Variants in NEGR1 observed in about 807,000 individuals in gnomAD.
NEGR1 encodes IgLON family member 4.
NEGR1 carries 10 observed loss-of-function variants against 40.9 expected under a neutral mutation model. The ratio of observed to expected loss-of-function variants is 0.24; its 90% CI spans 0.15 to 0.42. The LOEUF (loss-of-function observed/expected upper bound fraction) is 0.42, where lower values mean the gene tolerates loss of function less well. NEGR1 is among the 10% of genes least tolerant of loss of function. The pLI, the probability that NEGR1 is intolerant of heterozygous loss-of-function variation, is 1.00. For synonymous variants in NEGR1, 185 were observed against 166.8 expected, an observed-to-expected ratio of 1.11 and a Z score of -0.84; for missense variants, 352 against 438.9, an observed-to-expected ratio of 0.80 and a Z score of 1.77.
chr1:71,787,598 G>A (rs1656958900), intron 2 of NEGR1, among the ~76,000 whole-genome samples: 1 of 151,990 alleles, frequency 6.6e-6, no homozygotes, highest in Admixed American at 6.6e-5. Context: ...CAAAATATCT[G>A]TGAAATTAGC....
At chr1:71,580,349 C>T (rs1459448686) in intron 6 of NEGR1, among the ~76,000 whole-genome samples, 1 of 151,492 alleles carries the variant, frequency 6.6e-6, no homozygotes, top group East Asian at 1.9e-4. Flanking sequence ...GGAGATATAC[C>T]TAATGCTAGA....
chr1:72,055,397 T>G (rs540406251), intron 1 of NEGR1, among the ~76,000 whole-genome samples: 1 of 151,246 alleles, frequency 6.6e-6, no homozygotes, highest in Admixed American at 6.6e-5. Flanking sequence ...TTAGTATCTA[T>G]CTGCACTGTG....
intron 6 of NEGR1, among the ~76,000 whole-genome samples, chr1:71,487,637 A>G (rs1193605926): frequency 6.6e-6 from 1 of 151,818 alleles, no homozygotes; most frequent in Non-Finnish European, 1.5e-5. Context: ...ATAATGTGCT[A>G]GCTGAAGAGT....
chr1:71,676,591 T>A (rs1652645044), intron 4 of NEGR1, among the ~76,000 whole-genome samples: 1 of 152,186 alleles, frequency 6.6e-6, no homozygotes, highest in African/African-American at 2.4e-5. Flanking sequence ...TTGGGTGTCT[T>A]GCTTGGTAAA....
chr1:71,482,869 G>A (rs1418731778), intron 6 of NEGR1, among the ~76,000 whole-genome samples: 1 of 151,846 alleles, frequency 6.6e-6, no homozygotes, highest in Non-Finnish European at 1.5e-5. Flanking sequence ...ACAAAGTCAT[G>A]GATGAAGCAC....
rs185559484 is a variant in NEGR1, at chr1:72,279,585, G to A, written c.176+2734C>T. ...ATGGGACAAGGGCATATGTTTGAAG[G>A]GTAGAATTTTGTTTTGTTTTCTAGT... On this transcript the variant is annotated intron_variant, in intron 1 of 6. Coordinates refer to ENST00000357731, the MANE Select transcript of NEGR1 (RefSeq NM_173808.3). 9.7e-4 allele frequency among the ~76,000 whole-genome samples: 147 copies of A among 152,164 alleles called. No homozygotes were observed. The Middle Eastern group carries it at 0.017, about 18-fold the overall frequency.
intron 6 of NEGR1, among the ~76,000 whole-genome samples, chr1:71,427,415 C>T (rs886343816): frequency 1.3e-5 from 2 of 152,284 alleles, no homozygotes; most frequent in East Asian, 1.9e-4. Context: ...TGCATCAGTA[C>T]ACTCCAATCT....
chr1:72,161,906 A>G (rs2100376566), intron 1 of NEGR1, among the ~76,000 whole-genome samples: 1 of 151,360 alleles, frequency 6.6e-6, no homozygotes, highest in Admixed American at 6.6e-5. Context: ...GGCCAAGCTG[A>G]TCTCTTAACA....
At chr1:71,761,486 A>AT (rs1448928788) in intron 3 of NEGR1, among the ~76,000 whole-genome samples, 1 of 152,168 alleles carries the variant, frequency 6.6e-6, no homozygotes, top group Non-Finnish European at 1.5e-5. Context: ...TTTGGAAACT[A>AT]TTTTGTATTC....
chr1:72,013,963 T>TAAA (rs1161156816), intron 1 of NEGR1, among the ~76,000 whole-genome samples: 32 of 88,496 alleles, frequency 3.6e-4, no homozygotes, highest in African/African-American at 1.2e-3. Flanking sequence ...CTGTGAAAAA[T>TAAA]AAAAAAAAAA....
chr1:71,899,345 CAA>C (rs1661084410), intron 2 of NEGR1, among the ~76,000 whole-genome samples: 1 of 151,734 alleles, frequency 6.6e-6, no homozygotes, highest in African/African-American at 2.4e-5. Context: ...GAGGATGATC[CAA>C]AAGACAGTGA....
At chr1:72,187,305 T>G (rs1028397070) in intron 1 of NEGR1, among the ~76,000 whole-genome samples, 1 of 151,546 alleles carries the variant, frequency 6.6e-6, no homozygotes, top group Admixed American at 6.6e-5. Context: ...CATTTCTGTT[T>G]AATTTGTATT....
intron 2 of NEGR1, among the ~76,000 whole-genome samples, chr1:71,806,924 A>C: frequency 2.4e-5 from 3 of 125,514 alleles, no homozygotes; most frequent in Admixed American, 2.1e-4. Context: ...ATGGAGTCTC[A>C]CTCTCTTGCC....
chr1:71,397,140 A>T lies in NEGR1; in HGVS notation c.*10306T>A, dbSNP rs1646217575. ...GATGGAAATGAATAACTTGTTGGGA[A>T]CTGGAGCAAAGGTGACTCTTGTTAT... is the stretch of plus-strand genomic sequence containing the variant. On this transcript the variant is annotated 3_prime_UTR_variant, in exon 7 of 7. Coordinates refer to ENST00000357731, the MANE Select transcript of NEGR1 (RefSeq NM_173808.3). 6.4e-6 allele frequency: 1 copy of T among 157,146 alleles called. No homozygotes were observed. The highest frequency in any genetic ancestry group is 1.4e-5 in the Non-Finnish European group (1 of 72,200). The allele number at this position is 157,146 out of a possible 1,614,324, so 9.7% of individuals were successfully genotyped here. A position where few individuals can be genotyped will look rare whatever the true frequency, so the allele number is the denominator to read the frequency against.
chr1:72,215,222 G>A (rs1570131434), intron 1 of NEGR1, among the ~76,000 whole-genome samples: 1 of 152,072 alleles, frequency 6.6e-6, no homozygotes, highest in Non-Finnish European at 1.5e-5. Flanking sequence ...ACTCAAGATG[G>A]ATTAGAGACT....
intron 2 of NEGR1, among the ~76,000 whole-genome samples, chr1:71,915,624 C>T (rs961377228): frequency 6.6e-6 from 1 of 152,060 alleles, no homozygotes; most frequent in Non-Finnish European, 1.5e-5. Context: ...GACTAAGGGT[C>T]TCAAACTTGG....
chr1:71,573,552 T>A (rs1041166436), intron 6 of NEGR1: 1 of 152,216 alleles, frequency 6.6e-6, no homozygotes, highest in Admixed American at 6.5e-5. Flanking sequence ...AATGAATTAA[T>A]AAAATGACTT....
At chr1:71,942,132 A>T (rs1402826362) in intron 1 of NEGR1, among the ~76,000 whole-genome samples, 3 of 151,410 alleles carry the variant, frequency 2.0e-5, no homozygotes, top group Admixed American at 2.0e-4. Context: ...TTTTGTTGGA[A>T]AAAGAATTCT....
At chr1:71,960,596 A>G (rs1397238777) in intron 1 of NEGR1, among the ~76,000 whole-genome samples, 1 of 152,132 alleles carries the variant, frequency 6.6e-6, no homozygotes, top group East Asian at 1.9e-4. Flanking sequence ...AGAGTTTCAA[A>G]TTAATTATTT....
Sources: allele counts gnomAD v4.1 joint callset (sites outside exome capture counted in the v4.1 genomes callset), GRCh38; gene constraint gnomAD v4.1.1; transcripts MANE v1.5; gene names NCBI Gene and HGNC (gene_info 2026-07-23, HGNC 2026-07-21).